The following GRM8 variants were observed in gnomAD, a reference collection of about 807,000 sequenced individuals.
GRM8 encodes the protein metabotropic glutamate receptor 8.
Under a neutral mutation model 87.2 loss-of-function variants are expected in GRM8, and 47 were observed. That is an observed-to-expected ratio of 0.54 (90% CI 0.43 to 0.69). The LOEUF is 0.69. GRM8 is among the 30% of genes least tolerant of loss of function. The pLI is 0.00. For missense variants in GRM8, 1,019 were observed against 1,139.2 expected (o/e 0.89, Z 1.52); for synonymous variants, 396 against 404.5 (o/e 0.98, Z 0.25).
chr7:126,700,801 T>A (rs1207593478), intron 7 of GRM8, among the ~76,000 whole-genome samples: 1 of 152,130 alleles, frequency 6.6e-6, no homozygotes, highest in African/African-American at 2.4e-5. Context: ...CAACAAAATT[T>A]CAGTTTTTAA....
chr7:127,251,515 T>C (rs1185244311), intron 1 of GRM8, among the ~76,000 whole-genome samples: 2 of 152,092 alleles, frequency 1.3e-5, no homozygotes, highest in African/African-American at 4.8e-5. Flanking sequence ...CAGGAGCCCC[T>C]GTTTCCCAGC....
chr7:126,793,002 G>T (rs527535911), intron 6 of GRM8, among the ~76,000 whole-genome samples: 10 of 152,184 alleles, frequency 6.6e-5, no homozygotes, highest in African/African-American at 2.4e-4. Context: ...AACTTAAACT[G>T]CAGAACACTC....
chr7:126,796,522 T>C (rs1201224309), intron 6 of GRM8, among the ~76,000 whole-genome samples: 1 of 152,120 alleles, frequency 6.6e-6, no homozygotes, highest in African/African-American at 2.4e-5. Context: ...TCATGGCTCC[T>C]GGCAAACTAT....
At chr7:126,851,471 C>G (rs943012979) in intron 6 of GRM8, among the ~76,000 whole-genome samples, 9 of 152,198 alleles carry the variant, frequency 5.9e-5, no homozygotes, top group African/African-American at 2.2e-4. Context: ...AGTAAGAGAG[C>G]CAAGAGCCTT....
chr7:127,108,409 A>G (rs17869249), intron 2 of GRM8, among the ~76,000 whole-genome samples: 1,690 of 152,274 alleles, frequency 0.011, 27 homozygotes, highest in African/African-American at 0.038. Context: ...TCTGACTTTC[A>G]CTTTAGAAGA....
chr7:126,553,144 C>T (rs2150935042), intron 8 of GRM8, among the ~76,000 whole-genome samples: 1 of 152,188 alleles, frequency 6.6e-6, no homozygotes, highest in Non-Finnish European at 1.5e-5. Flanking sequence ...ATTCTTCTTC[C>T]TAAAATAAAT....
chr7:126,972,910 G>A (rs1810576037), intron 3 of GRM8, among the ~76,000 whole-genome samples: 1 of 152,114 alleles, frequency 6.6e-6, no homozygotes, highest in Non-Finnish European at 1.5e-5. Flanking sequence ...TATAATTAAA[G>A]CACATTTGAG....
intron 6 of GRM8, among the ~76,000 whole-genome samples, chr7:126,788,420 A>AAAAACAAAAAAAAAAAAAAAAAAAAAAAC: frequency 2.5e-5 from 2 of 81,138 alleles, no homozygotes; most frequent in African/African-American, 9.2e-5. Flanking sequence ...AAAAAAAAAA[A>AAAAACAAAAAAAAAAAAAAAAAAAAAAAC]AAACCCTTTC....
At chr7:126,515,805 A>G (rs1279354293) in intron 9 of GRM8, among the ~76,000 whole-genome samples, 2 of 151,974 alleles carry the variant, frequency 1.3e-5, no homozygotes, top group African/African-American at 2.4e-5. Flanking sequence ...TAACCTCCTT[A>G]TTTTAAGGTC....
intron 9 of GRM8, among the ~76,000 whole-genome samples, chr7:126,451,972 C>T (rs1445305886): frequency 6.6e-6 from 1 of 151,520 alleles, no homozygotes; most frequent in Non-Finnish European, 1.5e-5. Flanking sequence ...ACCTATTTCC[C>T]CTAGCTAGAA....
chr7:126,962,416 T>G (rs1475976912), intron 3 of GRM8, among the ~76,000 whole-genome samples: 2 of 152,264 alleles, frequency 1.3e-5, no homozygotes, highest in African/African-American at 4.8e-5. Context: ...ACCAGGAATT[T>G]GTTGAATACA....
intron 7 of GRM8, among the ~76,000 whole-genome samples, chr7:126,707,988 C>T (rs554834498): frequency 3.0e-4 from 45 of 152,114 alleles, no homozygotes; most frequent in Middle Eastern, 3.4e-3. Context: ...CATCTGCAAA[C>T]CACATATCTA....
chr7:126,646,676 A>G (rs17612316), intron 7 of GRM8, among the ~76,000 whole-genome samples: 19,816 of 152,230 alleles, frequency 0.13, 1,587 homozygotes, highest in South Asian at 0.2. Context: ...GGATTTATCT[A>G]TAAACTTTTA....
At chr7:127,212,695 G>A (rs1394568049) in intron 2 of GRM8, among the ~76,000 whole-genome samples, 2 of 152,090 alleles carry the variant, frequency 1.3e-5, no homozygotes, top group Non-Finnish European at 2.9e-5. Context: ...GGGATTACAG[G>A]CGTGAGCCAC....
Position 126,828,106 on chromosome 7 carries a change from C to T in GRM8, c.1157-58041G>A, listed in dbSNP as rs532877865. ...AAGCTTTTTGATGTGCTGCTGGATT[C>T]GTTTTGCCAGTATTTTATTGAGGAT... On this transcript the variant is annotated intron_variant, in intron 6 of 10. Coordinates refer to ENST00000339582, the MANE Select transcript of GRM8 (RefSeq NM_000845.3). 2.6e-4 allele frequency among the ~76,000 whole-genome samples: 39 copies of T among 152,026 alleles called. No individual in the cohort carries two copies. The South Asian group carries it at 5.6e-3, about 22-fold the overall frequency.
At chr7:126,856,568 A>G (rs1052702492) in intron 6 of GRM8, among the ~76,000 whole-genome samples, 1 of 152,216 alleles carries the variant, frequency 6.6e-6, no homozygotes, top group Non-Finnish European at 1.5e-5. Flanking sequence ...CTAAGTTTAG[A>G]AGTCAATCAG....
At chr7:126,873,572 G>A (rs1481528782) in intron 6 of GRM8, among the ~76,000 whole-genome samples, 1 of 152,124 alleles carries the variant, frequency 6.6e-6, no homozygotes, top group East Asian at 1.9e-4. Flanking sequence ...AAAATCAAAT[G>A]ACCAATCCCT....
At chr7:126,831,914 A>G (rs1795416566) in intron 6 of GRM8, among the ~76,000 whole-genome samples, 1 of 152,220 alleles carries the variant, frequency 6.6e-6, no homozygotes, top group Admixed American at 6.5e-5. Context: ...TGAGCTGTTA[A>G]GCTTGTTTTC....
At chr7:127,073,269 A>G (rs1479491859) in intron 3 of GRM8, among the ~76,000 whole-genome samples, 1 of 152,220 alleles carries the variant, frequency 6.6e-6, no homozygotes, top group Non-Finnish European at 1.5e-5. Context: ...GTGCCTCTGG[A>G]TCACTCTGAA....
Sources: allele counts gnomAD v4.1 joint callset (sites outside exome capture counted in the v4.1 genomes callset), GRCh38; gene constraint gnomAD v4.1.1; transcripts MANE v1.5; gene names NCBI Gene and HGNC (gene_info 2026-07-23, HGNC 2026-07-21).